The following TMEM117 variants were observed in gnomAD, a reference collection of about 807,000 sequenced individuals.
TMEM117 encodes transmembrane protein 117.
In TMEM117, 27 loss-of-function variants were observed where a neutral mutation model predicts 52.4. The ratio of observed to expected loss-of-function variants is 0.51; its 90% CI spans 0.38 to 0.71. The LOEUF is 0.71. Ranked by LOEUF, TMEM117 falls within the 30% of genes least tolerant of loss-of-function variation. The pLI is 0.00. For missense variants in TMEM117, 556 were observed against 630.5 expected (o/e 0.88, Z 1.26); for synonymous variants, 215 against 206.3 (o/e 1.04, Z -0.36).
intron 3 of TMEM117, among the ~76,000 whole-genome samples, chr12:44,138,847 C>T (rs1948529496): frequency 1.3e-5 from 2 of 152,174 alleles, no homozygotes; most frequent in South Asian, 4.1e-4. Context: ...GGATAATAGT[C>T]GAGTAAGTGA....
At chr12:44,148,017 C>T (rs1275383812) in intron 4 of TMEM117, among the ~76,000 whole-genome samples, 3 of 152,090 alleles carry the variant, frequency 2.0e-5, no homozygotes, top group Admixed American at 6.6e-5. Context: ...ACCTGAAAAC[C>T]GTATACTGTG....
chr12:43,958,961 C>G (rs188780212), intron 3 of TMEM117, among the ~76,000 whole-genome samples: 1 of 152,064 alleles, frequency 6.6e-6, no homozygotes, highest in Non-Finnish European at 1.5e-5. Flanking sequence ...CGCCCACCAC[C>G]ACGCCCGGCT....
chr12:43,867,475 T>A (rs924537996), intron 2 of TMEM117, among the ~76,000 whole-genome samples: 1 of 152,140 alleles, frequency 6.6e-6, no homozygotes, highest in Non-Finnish European at 1.5e-5. Context: ...TAGACCTAAA[T>A]CCAACTGTAT....
chr12:43,889,563 T>G (rs1944064251), intron 2 of TMEM117, among the ~76,000 whole-genome samples: 1 of 152,252 alleles, frequency 6.6e-6, no homozygotes, highest in South Asian at 2.1e-4. Context: ...GCCATGGACC[T>G]GTACCAGTCT....
At chr12:44,254,833 G>A (rs1040361127) in intron 5 of TMEM117, among the ~76,000 whole-genome samples, 61 of 148,592 alleles carry the variant, frequency 4.1e-4, no homozygotes, top group Admixed American at 1.5e-3. Flanking sequence ...AACAGTACCC[G>A]GAGTGTGATG....
chr12:43,906,462 C>CA (rs3064352), intron 2 of TMEM117, among the ~76,000 whole-genome samples: 6,808 of 141,266 alleles, frequency 0.048, 206 homozygotes, highest in South Asian at 0.074. Flanking sequence ...GACGCTGTCT[C>CA]AAAAAAAAAA....
At chr12:43,854,833 C>T (rs1299217478) in intron 2 of TMEM117, among the ~76,000 whole-genome samples, 1 of 152,044 alleles carries the variant, frequency 6.6e-6, no homozygotes, top group Non-Finnish European at 1.5e-5. Context: ...GACAGGGTTT[C>T]ACCATGTTGG....
At position 44,363,984 on chromosome 12, in the gene TMEM117, A is replaced by G. The variant is rs187697921; in HGVS notation, c.769-12611A>G. Among the ~76,000 whole-genome samples the G allele has an allele frequency of 1.1e-3, 160 of 152,284 alleles. 1 individual carries two copies. Among genetic ancestry groups the G allele is most frequent in the African/African-American group, 3.7e-3 (153 of 41,578 alleles). On this transcript the variant is annotated intron_variant, in intron 6 of 7. Coordinates refer to ENST00000266534, the MANE Select transcript of TMEM117 (RefSeq NM_032256.3). ...AGTCTGTCACCTAAACAATTTCATA[A>G]TGATGCTGATTTGCCAGCTTCTCCT...
At chr12:44,230,035 A>T (rs1198920271) in intron 5 of TMEM117, among the ~76,000 whole-genome samples, 1 of 152,076 alleles carries the variant, frequency 6.6e-6, no homozygotes, top group African/African-American at 2.4e-5. Flanking sequence ...TGTAAAAGCA[A>T]CCTATTATCT....
In TMEM117 at chr12:43,864,232, C is replaced by T. The variant is rs577285111; in HGVS notation, c.277+19304C>T. 1.9e-3 allele frequency among the ~76,000 whole-genome samples: 289 copies of T among 152,336 alleles called. 1 individual carries two copies. Among genetic ancestry groups the T allele is most frequent in the African/African-American group, 6.7e-3 (277 of 41,576 alleles). Reference sequence around the variant, plus strand: ...TGAGCCTCCCCGACCAGCACCTCCCCCTGCTTCATGGCACCCAGTCCCACC... The same window carrying T: ...TGAGCCTCCCCGACCAGCACCTCCCTCTGCTTCATGGCACCCAGTCCCACC... On this transcript the variant is annotated intron_variant, in intron 2 of 7. Transcript: ENST00000266534.
At chr12:44,142,046 G>A (rs986561309) in intron 3 of TMEM117, among the ~76,000 whole-genome samples, 1 of 152,120 alleles carries the variant, frequency 6.6e-6, no homozygotes, top group Non-Finnish European at 1.5e-5. Flanking sequence ...GCGTTTGTGA[G>A]TCAATCAAGT....
intron 3 of TMEM117, among the ~76,000 whole-genome samples, chr12:44,006,936 A>G (rs1388462414): frequency 6.6e-6 from 1 of 152,168 alleles, no homozygotes; most frequent in African/African-American, 2.4e-5. Context: ...TCTAAGGTCA[A>G]GTTTTACATG....
At chr12:44,160,860 A>G (rs929328432) in intron 4 of TMEM117, among the ~76,000 whole-genome samples, 3 of 152,180 alleles carry the variant, frequency 2.0e-5, no homozygotes, top group African/African-American at 2.4e-5. Context: ...GAAATGAATT[A>G]TTGTAGCTGC....
chr12:44,138,080 T>C (rs1299866977), intron 3 of TMEM117, among the ~76,000 whole-genome samples: 1 of 152,106 alleles, frequency 6.6e-6, no homozygotes, highest in Non-Finnish European at 1.5e-5. Flanking sequence ...ATTATCAAAG[T>C]TGATCATTTG....
chr12:43,994,070 G>A (rs1321368300), intron 3 of TMEM117, among the ~76,000 whole-genome samples: 3 of 152,122 alleles, frequency 2.0e-5, no homozygotes, highest in Non-Finnish European at 2.9e-5. Flanking sequence ...ATATTTTGAT[G>A]TTCTTAATCC....
chr12:43,829,942 G>A, the TMEM117 span, among the ~76,000 whole-genome samples: 1 of 151,534 alleles, frequency 6.6e-6, no homozygotes, highest in Admixed American at 6.6e-5. Context: ...ACAAAAATTA[G>A]CTGGGCGTGG....
chr12:44,236,248 C>T (rs1353178279), intron 5 of TMEM117, among the ~76,000 whole-genome samples: 1 of 151,630 alleles, frequency 6.6e-6, no homozygotes, highest in Admixed American at 6.6e-5. Flanking sequence ...ATCTGAGGTG[C>T]CAGTTAAATA....
At chr12:44,280,913 G>T (rs1000591472) in intron 5 of TMEM117, among the ~76,000 whole-genome samples, 1 of 152,030 alleles carries the variant, frequency 6.6e-6, no homozygotes, top group Non-Finnish European at 1.5e-5. Flanking sequence ...TTAAAATGCC[G>T]ACAATCAATT....
chr12:43,862,381 T>A (rs947190757), intron 2 of TMEM117, among the ~76,000 whole-genome samples: 2 of 152,154 alleles, frequency 1.3e-5, no homozygotes, highest in Non-Finnish European at 2.9e-5. Flanking sequence ...TGGATCTCGA[T>A]CTTCTGACCT....
Sources: allele counts gnomAD v4.1 joint callset (sites outside exome capture counted in the v4.1 genomes callset), GRCh38; gene constraint gnomAD v4.1.1; transcripts MANE v1.5; gene names NCBI Gene and HGNC (gene_info 2026-07-23, HGNC 2026-07-21).